MARK3: variants seen among roughly 807,000 people sequenced by gnomAD.
MARK3 encodes the protein MAP/microtubule affinity-regulating kinase 3.
MARK3 carries 46 observed loss-of-function variants against 90.1 expected under a neutral mutation model. That is an observed-to-expected ratio of 0.51 (90% CI 0.40 to 0.65). The LOEUF (loss-of-function observed/expected upper bound fraction) is 0.65. MARK3 is among the 30% of genes least tolerant of loss of function. The probability of loss-of-function intolerance (pLI) is 0.00; values close to 1 mark genes in which losing one functional copy is unlikely to be tolerated. For missense variants in MARK3, 818 were observed against 947.2 expected (o/e 0.86, Z 1.79); for synonymous variants, 321 against 332.6 (o/e 0.97, Z 0.38).
chr14:103,415,931 CATT>C (rs1440566701), intron 2 of MARK3, among the ~76,000 whole-genome samples: 7 of 152,194 alleles, frequency 4.6e-5, no homozygotes, highest in Admixed American at 3.9e-4. Context: ...TTTTAAACAT[CATT>C]GACTTCCACT....
chr14:103,495,208 C>T lies in MARK3; in HGVS notation c.1844+3174C>T, dbSNP rs116843196. On this transcript the variant is annotated intron_variant, in intron 15 of 17. Coordinates refer to ENST00000429436, the MANE Select transcript of MARK3 (RefSeq NM_001128918.3). ...TATCAGGGCCTGGTGCAGTGGCTTACGCCTGTAATCCCAGCACTTTGGGAG... is the reference window on the plus strand; with the variant it reads ...TATCAGGGCCTGGTGCAGTGGCTTATGCCTGTAATCCCAGCACTTTGGGAG... Among the ~76,000 whole-genome samples, 65 of 152,264 alleles carry T rather than the reference C, an allele frequency of 4.3e-4. No homozygotes were observed. In the East Asian group the frequency reaches 0.011, roughly 26 times the overall value.
chr14:103,428,565 A>G (rs2092482593), intron 3 of MARK3, 125 bp downstream of exon 3: 1 of 620,886 alleles, frequency 1.6e-6, no homozygotes, highest in Non-Finnish European at 2.8e-6. Context: ...TATTCCTCAA[A>G]TGAATGCAAC....
chr14:103,467,913 A>G, intron 11 of MARK3, 120 bp from the exon 12 acceptor site: 5 of 962,900 alleles, frequency 5.2e-6, no homozygotes, highest in Non-Finnish European at 6.0e-6. Context: ...GTACGTTGTG[A>G]TTCCTCCTCT....
chr14:103,438,057 A>G (rs915585452), intron 3 of MARK3, among the ~76,000 whole-genome samples: 5 of 152,082 alleles, frequency 3.3e-5, no homozygotes, highest in Admixed American at 2.6e-4. Context: ...CTGGAGTGCA[A>G]TGGCGTGATC....
chr14:103,425,025 C>T (rs2092353531), intron 2 of MARK3, among the ~76,000 whole-genome samples: 1 of 152,052 alleles, frequency 6.6e-6, no homozygotes, highest in Non-Finnish European at 1.5e-5. Flanking sequence ...ACTGCAACCT[C>T]TACCTCCCAA....
At chr14:103,396,979 G>A (rs1488381145) in intron 1 of MARK3, among the ~76,000 whole-genome samples, 2 of 152,022 alleles carry the variant, frequency 1.3e-5, no homozygotes, top group East Asian at 3.8e-4. Flanking sequence ...AGGATATAAA[G>A]CCTTTTTATA....
intron 3 of MARK3, among the ~76,000 whole-genome samples, chr14:103,431,247 A>G (rs984809651): frequency 1.3e-5 from 2 of 152,044 alleles, no homozygotes; most frequent in African/African-American, 4.8e-5. Flanking sequence ...GTACGCCACC[A>G]CACCTGGCTA....
At chr14:103,396,549 C>G (rs1048370143) in intron 1 of MARK3, among the ~76,000 whole-genome samples, 9 of 152,068 alleles carry the variant, frequency 5.9e-5, no homozygotes, top group African/African-American at 2.2e-4. Flanking sequence ...CAATACATGT[C>G]TTTAAAATTT....
At position 103,449,195 on chromosome 14, in the gene MARK3, T is replaced by G. The variant is rs960132793; in HGVS notation, c.346+228T>G. Among the ~76,000 whole-genome samples the G allele has an allele frequency of 2.0e-5, 3 of 151,780 alleles. No individual in the cohort carries two copies. The South Asian group carries it at 6.2e-4, about 32-fold the overall frequency. On this transcript the variant is annotated intron_variant, in intron 4 of 17. Coordinates refer to ENST00000429436, the MANE Select transcript of MARK3 (RefSeq NM_001128918.3). ...TCTGGTAGAAACATCTGTACTCTGATTATAATTTTCTAATTTTTAAGTATA... is the reference window on the plus strand; with the variant it reads ...TCTGGTAGAAACATCTGTACTCTGAGTATAATTTTCTAATTTTTAAGTATA...
chr14:103,416,932 G>A (rs1279317688), intron 2 of MARK3, among the ~76,000 whole-genome samples: 1 of 152,176 alleles, frequency 6.6e-6, no homozygotes. Flanking sequence ...GATCTGCTAC[G>A]ATGAGGAGAT....
At chr14:103,446,454 G>A (rs1459340122) in intron 3 of MARK3, among the ~76,000 whole-genome samples, 1 of 152,030 alleles carries the variant, frequency 6.6e-6, no homozygotes, top group Non-Finnish European at 1.5e-5. Context: ...CCTGGGAGGC[G>A]GAGGTTGCAG....
At chr14:103,465,937 C>G (rs2093493796) in intron 8 of MARK3, 35 bp from the exon 9 acceptor site, 3 of 1,599,426 alleles carry the variant, frequency 1.9e-6, no homozygotes, top group Non-Finnish European at 2.6e-6. Context: ...TAAAGGTTGA[C>G]TTACTCGTTT....
At chr14:103,466,200 C>G (rs966681977) in intron 9 of MARK3, 109 bp downstream of exon 9, 2 of 1,412,774 alleles carry the variant, frequency 1.4e-6, no homozygotes. Context: ...GCTTTTTAAG[C>G]AAGAATTGAA....
At position 103,475,125 on chromosome 14, in the gene MARK3, C is replaced by A; in HGVS notation, c.1397C>A (p.Ala466Asp). The change falls in exon 13 of 18, where the codon GCT becomes GAT. Residue 466 changes from alanine (A) to aspartate (D), a missense_variant. Coordinates refer to ENST00000429436, the MANE Select transcript of MARK3 (RefSeq NM_001128918.3). ...SGSAVGGKGI[A>D]PASPMLGNAS... ...AGTGCTGTTGGAGGAAAGGGAATTGCTCCAGCCAGTCCCATGCTTGGGAAT... is the reference window on the plus strand; with the variant it reads ...AGTGCTGTTGGAGGAAAGGGAATTGATCCAGCCAGTCCCATGCTTGGGAAT... The A allele has an allele frequency of 3.1e-6, 5 of 1,614,178 alleles. No individual in the cohort carries two copies. Among genetic ancestry groups the A allele is most frequent in the Non-Finnish European group, 4.2e-6 (5 of 1,180,044 alleles).
intron 7 of MARK3, among the ~76,000 whole-genome samples, chr14:103,463,096 T>C (rs987470958): frequency 5.9e-5 from 9 of 151,904 alleles, no homozygotes; most frequent in Non-Finnish European, 1.2e-4. Context: ...TCACTCTCCT[T>C]CTCTACTGGC....
chr14:103,446,742 G>T (rs2093007830), intron 3 of MARK3, among the ~76,000 whole-genome samples: 1 of 119,426 alleles, frequency 8.4e-6, no homozygotes, highest in Non-Finnish European at 1.6e-5. Flanking sequence ...TTTTGAGTTG[G>T]AGTCTTGCTC....
At chr14:103,496,082 CAG>C (rs770877632) in intron 15 of MARK3, among the ~76,000 whole-genome samples, 1 of 152,220 alleles carries the variant, frequency 6.6e-6, no homozygotes, top group African/African-American at 2.4e-5. Context: ...TCAGAGACTG[CAG>C]AGTCACCCAT....
chr14:103,502,683 G>A (rs2075734505), intron 17 of MARK3, among the ~76,000 whole-genome samples, 199 bp from the exon 18 acceptor site: 1 of 152,216 alleles, frequency 6.6e-6, no homozygotes, highest in Non-Finnish European at 1.5e-5. Flanking sequence ...ATCTTTTTGT[G>A]TGTGGCTTAT....
intron 2 of MARK3, among the ~76,000 whole-genome samples, chr14:103,408,864 C>G (rs771855513): frequency 6.6e-6 from 1 of 152,106 alleles, no homozygotes; most frequent in Non-Finnish European, 1.5e-5. Flanking sequence ...GCTGAGCTGC[C>G]TTATAGACTG....
Sources: gnomAD v4.1 joint callset for allele counts (sites outside exome capture counted in the v4.1 genomes callset) on GRCh38, gnomAD v4.1.1 for gene constraint, MANE v1.5 for transcripts, NCBI Gene and HGNC (gene_info 2026-07-23, HGNC 2026-07-21) for gene names.